The following RIMKLA variants were observed in gnomAD, a reference collection of about 807,000 sequenced individuals.
RIMKLA encodes ribosomal modification protein rimK like family member A.
A neutral mutation model predicts 32.7 loss-of-function variants in RIMKLA; 14 were observed. The observed-to-expected ratio is 0.43, with a 90% CI of 0.28 to 0.67. The LOEUF is 0.67. RIMKLA is among the 30% of genes least tolerant of loss of function. The pLI, the probability that RIMKLA is intolerant of heterozygous loss-of-function variation, is 0.18. For missense variants in RIMKLA, 410 were observed against 519.0 expected (o/e 0.79, Z 2.04); for synonymous variants, 176 against 204.1 (o/e 0.86, Z 1.18).
rs1002163997 is a variant in RIMKLA, at chr1:42,421,154, A to C, written c.*6180A>C. On this transcript the variant is annotated 3_prime_UTR_variant, in exon 5 of 5. Coordinates refer to ENST00000431473, the MANE Select transcript of RIMKLA (RefSeq NM_173642.4). This position sits in a 1 kb window ranked among gnomAD's most constrained non-coding sequence, Gnocchi z 4.6. The stretch of plus-strand genomic sequence containing the variant: ...CTTGAGATTTTATGACGCTATGTGC[A>C]AGATCTAGCGAACGTATTTGGCTAA... The C allele has an allele frequency of 6.6e-6, 1 of 152,272 alleles. No homozygotes were observed. Among genetic ancestry groups the C allele is most frequent in the African/African-American group, 2.4e-5 (1 of 41,470 alleles). The allele number at this position is 152,272 out of a possible 1,614,324, so 9.4% of individuals were successfully genotyped here.
intron 4 of RIMKLA, among the ~76,000 whole-genome samples, chr1:42,413,795 T>C (rs1044685152): frequency 6.6e-6 from 1 of 150,406 alleles, no homozygotes; most frequent in Non-Finnish European, 1.5e-5. Flanking sequence ...TGGAGTGGCA[T>C]GATCATGGCT....
intron 1 of RIMKLA, among the ~76,000 whole-genome samples, chr1:42,386,670 G>A (rs1221124138): frequency 6.7e-6 from 1 of 149,568 alleles, no homozygotes; most frequent in Non-Finnish European, 1.5e-5. Context: ...GAGGTCAGGA[G>A]TTCAAGATCA....
At chr1:42,403,485 A>T (rs986824083) in intron 2 of RIMKLA, among the ~76,000 whole-genome samples, 1 of 152,200 alleles carries the variant, frequency 6.6e-6, no homozygotes, top group Admixed American at 6.5e-5. Flanking sequence ...ATTATGTTTG[A>T]TATAGTATAT....
chr1:42,384,946 C>T (rs1207770345), intron 1 of RIMKLA, among the ~76,000 whole-genome samples: 1 of 152,182 alleles, frequency 6.6e-6, no homozygotes, highest in African/African-American at 2.4e-5. Flanking sequence ...CAGCACAAGT[C>T]ACTTATCTCT....
intron 1 of RIMKLA, among the ~76,000 whole-genome samples, chr1:42,384,379 T>G (rs1259108940): frequency 6.6e-6 from 1 of 151,878 alleles, no homozygotes; most frequent in Non-Finnish European, 1.5e-5. Context: ...AGTTCTTCAT[T>G]CGTTTCATAA....
chr1:42,381,120 G>A (rs1038139734), intron 1 of RIMKLA, 23 bp downstream of exon 1: 4 of 1,243,348 alleles, frequency 3.2e-6, no homozygotes, highest in Non-Finnish European at 4.0e-6. Flanking sequence ...GGCCCGGGGA[G>A]GGCAGGGAGG....
At position 42,421,172 on chromosome 1, in the gene RIMKLA, T is replaced by C. The variant is rs1050350564; in HGVS notation, c.*6198T>C. ...TATGTGCAAGATCTAGCGAACGTAT[T>C]TGGCTAAGAAAAATCCTGGAGGAGA... On this transcript the variant is annotated 3_prime_UTR_variant, in exon 5 of 5. Transcript: ENST00000431473. The surrounding 1 kb of genome is among the most constrained non-coding windows in gnomAD (Gnocchi z 4.6). 1 of 152,226 alleles carries C rather than the reference T, an allele frequency of 6.6e-6. No individual in the cohort carries two copies. Among genetic ancestry groups the C allele is most frequent in the East Asian group, 1.9e-4 (1 of 5,192 alleles). 9.4% of individuals were successfully genotyped at this position (152,226 alleles called of 1,614,324 possible).
chr1:42,423,813 C>T lies in RIMKLA; in HGVS notation c.*8839C>T, dbSNP rs1643314976. On this transcript the variant is annotated 3_prime_UTR_variant, in exon 5 of 5. Coordinates refer to ENST00000431473, the MANE Select transcript of RIMKLA (RefSeq NM_173642.4). ...GCAGCTGCTGCTTTCACTAATGGCA[C>T]TTCTTAAATCTGGTGAGAGGCTTCT... Among the ~76,000 whole-genome samples, 1 of 152,190 alleles carries T rather than the reference C, an allele frequency of 6.6e-6. No individual in the cohort carries two copies. Among genetic ancestry groups the T allele is most frequent in the Non-Finnish European group, 1.5e-5 (1 of 68,042 alleles).
intron 3 of RIMKLA, among the ~76,000 whole-genome samples, chr1:42,406,378 G>A (rs899023900): frequency 2.0e-5 from 3 of 152,060 alleles, no homozygotes; most frequent in Admixed American, 6.5e-5. Context: ...AGTCCCGATT[G>A]CCTCTCCCTC....
At chr1:42,409,245 A>G (rs1404243412) in intron 3 of RIMKLA, among the ~76,000 whole-genome samples, 1 of 151,256 alleles carries the variant, frequency 6.6e-6, no homozygotes, top group Non-Finnish European at 1.5e-5. Flanking sequence ...GATGCTAAAT[A>G]ATTACAAAAG....
intron 1 of RIMKLA, among the ~76,000 whole-genome samples, chr1:42,382,033 ATAAG>A (rs1450935397): frequency 6.6e-6 from 1 of 152,218 alleles, no homozygotes; most frequent in Non-Finnish European, 1.5e-5. Context: ...TAATGGTTAA[ATAAG>A]CTCGTAATCT....
Position 42,380,878 on chromosome 1 carries a change from G to T in RIMKLA, c.-57G>T, listed in dbSNP as rs1642880306. 1.7e-6 allele frequency: 2 copies of T among 1,196,222 alleles called. No homozygotes were observed. The highest frequency in any genetic ancestry group is 3.9e-5 in the South Asian group (1 of 25,710). 74.1% of individuals were successfully genotyped at this position (1,196,222 alleles called of 1,614,324 possible). On this transcript the variant is annotated 5_prime_UTR_variant, in exon 1 of 5. Coordinates refer to ENST00000431473, the MANE Select transcript of RIMKLA (RefSeq NM_173642.4). ...CGCCCCTCCGCTCGCCCTACTGAGC[G>T]AGCGGCCCGGGGCGCCGAGGGGTCC...
In RIMKLA at chr1:42,416,094, G is replaced by GGGC. The variant is rs1643245660; in HGVS notation, c.*1122_*1123insCGG. 1 of 136,996 alleles carries GGGC rather than the reference G, an allele frequency of 7.3e-6. No individual in the cohort carries two copies. Among genetic ancestry groups the GGGC allele is most frequent in the Non-Finnish European group, 1.6e-5 (1 of 61,334 alleles). 8.5% of individuals were successfully genotyped at this position (136,996 alleles called of 1,614,324 possible). ...TACCCATTGCACATTTTGCGGGGGGGGGGGCTAATGTAGACATGACACCAA... is the reference window on the plus strand; with the variant it reads ...TACCCATTGCACATTTTGCGGGGGGGGGCGGGGCTAATGTAGACATGACACCAA... On this transcript the variant is annotated 3_prime_UTR_variant, in exon 5 of 5. Coordinates refer to ENST00000431473, the MANE Select transcript of RIMKLA (RefSeq NM_173642.4).
chr1:42,401,803 G>T (rs1273737531), intron 2 of RIMKLA, among the ~76,000 whole-genome samples: 2 of 152,174 alleles, frequency 1.3e-5, no homozygotes, highest in East Asian at 1.9e-4. Flanking sequence ...AAAGAATAGG[G>T]ACTCTTATTT....
At chr1:42,392,859 G>C (rs1173520462) in intron 1 of RIMKLA, among the ~76,000 whole-genome samples, 1 of 152,132 alleles carries the variant, frequency 6.6e-6, no homozygotes, top group African/African-American at 2.4e-5. Context: ...AGGCATGGTG[G>C]CTCGTGCCTG....
intron 2 of RIMKLA, among the ~76,000 whole-genome samples, chr1:42,402,586 G>C (rs1313691856): frequency 8.3e-6 from 1 of 120,888 alleles, no homozygotes; most frequent in Non-Finnish European, 1.7e-5. Context: ...AATCCACCTG[G>C]CTAACTTTTT....
chr1:42,390,246 C>G (rs950182803), intron 1 of RIMKLA, among the ~76,000 whole-genome samples: 2 of 152,134 alleles, frequency 1.3e-5, no homozygotes, highest in Non-Finnish European at 2.9e-5. Context: ...CCATGCTAGC[C>G]AGGCTGGTCT....
Position 42,422,618 on chromosome 1 carries a change from C to T in RIMKLA, c.*7644C>T, listed in dbSNP as rs1481666686. 5.9e-5 allele frequency: 9 copies of T among 152,146 alleles called. No homozygotes were observed. Among genetic ancestry groups the T allele is most frequent in the Non-Finnish European group, 1.2e-4 (8 of 68,024 alleles). The allele number at this position is 152,146 out of a possible 1,614,324, so 9.4% of individuals were successfully genotyped here. ...TGCCTTTGTCTCCAAAATTCTGTGC[C>T]TTTTGGTGGTTCTTGTAAAGTAAGA... On this transcript the variant is annotated 3_prime_UTR_variant, in exon 5 of 5. Transcript: ENST00000431473.
chr1:42,414,057 GTAT>G (rs1643224919), intron 4 of RIMKLA, among the ~76,000 whole-genome samples: 2 of 151,522 alleles, frequency 1.3e-5, no homozygotes, highest in Admixed American at 6.6e-5. Context: ...CACCCAGCTG[GTAT>G]TATTATTAAT....
Sources: allele counts gnomAD v4.1 joint callset (sites outside exome capture counted in the v4.1 genomes callset), GRCh38; gene constraint gnomAD v4.1.1; non-coding constraint Gnocchi (gnomAD v3.1); transcripts MANE v1.5; gene names NCBI Gene and HGNC (gene_info 2026-07-23, HGNC 2026-07-21).